Variants in CHRM3 observed in about 807,000 individuals in gnomAD.
The protein encoded by CHRM3 is cholinergic receptor muscarinic 3, also known as muscarinic acetylcholine receptor M3.
Under a neutral mutation model 41.8 loss-of-function variants are expected in CHRM3, and 11 were observed. The ratio of observed to expected loss-of-function variants is 0.26; its 90% CI spans 0.17 to 0.44. The LOEUF is 0.44. CHRM3 is among the 20% of genes least tolerant of loss of function. The pLI is 1.00. For synonymous variants in CHRM3, 297 were observed against 301.4 expected (o/e 0.99, Z 0.15); for missense variants, 571 against 745.4 (o/e 0.77, Z 2.72).
intron 2 of CHRM3, among the ~76,000 whole-genome samples, chr1:239,535,419 G>C (rs1433131078): frequency 1.3e-5 from 2 of 150,536 alleles, no homozygotes; most frequent in Non-Finnish European, 3.0e-5. Context: ...CTAGAATTTT[G>C]AGTGGAGCGC....
At chr1:239,636,194 G>A (rs1010717736) in intron 4 of CHRM3, among the ~76,000 whole-genome samples, 5 of 152,244 alleles carry the variant, frequency 3.3e-5, no homozygotes, top group Admixed American at 1.3e-4. Context: ...ATGAAGGCCC[G>A]AAAGAATGAA....
At chr1:239,889,405 A>C (rs555775430) in intron 6 of CHRM3, among the ~76,000 whole-genome samples, 61 of 152,252 alleles carry the variant, frequency 4.0e-4, no homozygotes, top group South Asian at 8.3e-4. Flanking sequence ...ATGATAACAC[A>C]AACAGGGAAG....
At chr1:239,673,884 A>G (rs1657672818) in intron 4 of CHRM3, among the ~76,000 whole-genome samples, 1 of 152,150 alleles carries the variant, frequency 6.6e-6, no homozygotes, top group Non-Finnish European at 1.5e-5. Context: ...ATAAATACAG[A>G]TCAGCAACCC....
chr1:239,489,806 A>T (rs186370747), intron 1 of CHRM3, among the ~76,000 whole-genome samples: 27 of 152,340 alleles, frequency 1.8e-4, no homozygotes, highest in Admixed American at 3.9e-4. Flanking sequence ...TCCAGAACTT[A>T]TGAAAATGTT....
rs1483212797 is a variant in CHRM3 at position 239,907,577 on chromosome 1, T to C, written c.126T>C (p.Val42=). Residue 42 remains valine, a synonymous_variant, in exon 7 of 7, where the codon GTT becomes GTC. Transcript: ENST00000676153. This position sits in a 1 kb window ranked among gnomAD's most constrained non-coding sequence, Gnocchi z 5.4. ...TCACTCATTTCGGCAGCTACAATGT[T>C]TCTCGAGCAGCTGGCAATTTCTCCT... The part of the protein sequence containing the change: ...GTVTHFGSYN[V]SRAAGNFSSP... 6.2e-7 allele frequency: 1 copy of C among 1,614,132 alleles called. No individual in the cohort carries two copies. The highest frequency in any genetic ancestry group is 2.2e-5 in the East Asian group (1 of 44,870).
chr1:239,822,972 A>G (rs1230874912), intron 5 of CHRM3, among the ~76,000 whole-genome samples: 1 of 152,154 alleles, frequency 6.6e-6, no homozygotes, highest in Non-Finnish European at 1.5e-5. Flanking sequence ...AATAGACTAA[A>G]ACCCTGGTCT....
chr1:239,418,037 C>T (rs976644556), intron 1 of CHRM3, among the ~76,000 whole-genome samples: 4 of 152,108 alleles, frequency 2.6e-5, no homozygotes, highest in Non-Finnish European at 4.4e-5. Context: ...CTCCATGTTT[C>T]GTAAATGTTT....
At chr1:239,636,552 A>G (rs1670488110) in intron 4 of CHRM3, among the ~76,000 whole-genome samples, 1 of 152,310 alleles carries the variant, frequency 6.6e-6, no homozygotes, top group African/African-American at 2.4e-5. Context: ...CTGGGGCTTT[A>G]TCTTTGCTGC....
chr1:239,415,921 T>C (rs559150917), intron 1 of CHRM3, among the ~76,000 whole-genome samples: 1 of 152,324 alleles, frequency 6.6e-6, no homozygotes, highest in South Asian at 2.1e-4. Context: ...TTAATTTTAA[T>C]GTTTGCCATA....
chr1:239,738,469 A>G (rs1189904511), intron 5 of CHRM3, among the ~76,000 whole-genome samples: 1 of 151,712 alleles, frequency 6.6e-6, no homozygotes, highest in African/African-American at 2.4e-5. Context: ...GGCCAGGCTC[A>G]GGGGGGGTTT....
At chr1:239,441,880 ACAGATGTG>A (rs1663750861) in intron 1 of CHRM3, among the ~76,000 whole-genome samples, 1 of 152,260 alleles carries the variant, frequency 6.6e-6, no homozygotes, top group Middle Eastern at 3.2e-3. Flanking sequence ...TTTTCCAAGC[ACAGATGTG>A]AAGTATTTAA....
chr1:239,820,495 T>C lies in CHRM3; in HGVS notation c.-146-6757T>C, dbSNP rs112588826. ...AACTTGGAAAAAGGACCAGAGGTTA[T>C]TGTTTTCTTCTATGATAGGTCCGGA... is the stretch of plus-strand genomic sequence containing the variant. On this transcript the variant is annotated intron_variant, in intron 5 of 6. Transcript: ENST00000676153. 5.3e-5 allele frequency among the ~76,000 whole-genome samples: 8 copies of C among 152,332 alleles called. 1 individual carries two copies. Among genetic ancestry groups the C allele is most frequent in the African/African-American group, 1.9e-4 (8 of 41,570 alleles).
At position 239,523,098 on chromosome 1, in the gene CHRM3, G is replaced by A. The variant is rs368106219; in HGVS notation, c.-421-22543G>A. Among the ~76,000 whole-genome samples the A allele has an allele frequency of 7.9e-5, 12 of 152,024 alleles. No homozygotes were observed. In the East Asian group the frequency reaches 1.9e-3, roughly 25 times the overall value. On this transcript the variant is annotated intron_variant, in intron 2 of 6. Coordinates refer to ENST00000676153, the MANE Select transcript of CHRM3 (RefSeq NM_001375978.1). Reference sequence around the variant, plus strand: ...ACCTGTCTAATCCACCTGAGAAACAGTAGTGAAAAAAAGAAGAAAATGACA... The same window carrying A: ...ACCTGTCTAATCCACCTGAGAAACAATAGTGAAAAAAAGAAGAAAATGACA...
rs1388787948 is a variant in CHRM3, at chr1:239,910,490, A to T, written c.*1266A>T. Reference sequence around the variant, plus strand: ...GGTGTTCATTGTGTAACCTTCACCCAGGAATAGGTGAGGTTTTAGGAAGTT... The same window carrying T: ...GGTGTTCATTGTGTAACCTTCACCCTGGAATAGGTGAGGTTTTAGGAAGTT... On this transcript the variant is annotated 3_prime_UTR_variant, in exon 7 of 7. Coordinates refer to ENST00000676153, the MANE Select transcript of CHRM3 (RefSeq NM_001375978.1). 6.0e-6 allele frequency: 1 copy of T among 166,874 alleles called. No homozygotes were observed. The highest frequency in any genetic ancestry group is 2.4e-5 in the African/African-American group (1 of 41,386). 10.3% of individuals were successfully genotyped at this position (166,874 alleles called of 1,614,324 possible). A position where few individuals can be genotyped will look rare whatever the true frequency, so the allele number is the denominator to read the frequency against.
intron 6 of CHRM3, among the ~76,000 whole-genome samples, chr1:239,864,299 G>A (rs546623010): frequency 4.6e-5 from 7 of 152,252 alleles, no homozygotes; most frequent in African/African-American, 1.7e-4. Flanking sequence ...CCGAGGTCGA[G>A]AGTTTGAGAC....
At chr1:239,531,759 A>G (rs1670433119) in intron 2 of CHRM3, among the ~76,000 whole-genome samples, 1 of 135,422 alleles carries the variant, frequency 7.4e-6, no homozygotes, top group South Asian at 2.3e-4. Flanking sequence ...TGCTGGGTTC[A>G]TGCAATTCTC....
chr1:239,905,707 A>G (rs990592436), intron 6 of CHRM3, among the ~76,000 whole-genome samples: 1 of 152,152 alleles, frequency 6.6e-6, no homozygotes, highest in Non-Finnish European at 1.5e-5. Flanking sequence ...CAAAAAATAT[A>G]ATATAATAAA....
chr1:239,499,922 A>G (rs991828488), intron 2 of CHRM3, among the ~76,000 whole-genome samples: 6 of 152,204 alleles, frequency 3.9e-5, no homozygotes, highest in Non-Finnish European at 8.8e-5. Flanking sequence ...TCTTTTTCAG[A>G]CAAACCAGTG....
At chr1:239,416,249 T>C (rs1661494281) in intron 1 of CHRM3, among the ~76,000 whole-genome samples, 1 of 152,092 alleles carries the variant, frequency 6.6e-6, no homozygotes, top group Non-Finnish European at 1.5e-5. Context: ...CTCCTAACGT[T>C]TAGATTCAAA....
Sources: allele counts gnomAD v4.1 joint callset (sites outside exome capture counted in the v4.1 genomes callset), GRCh38; gene constraint gnomAD v4.1.1; non-coding constraint Gnocchi (gnomAD v3.1); transcripts MANE v1.5; gene names NCBI Gene and HGNC (gene_info 2026-07-23, HGNC 2026-07-21).